ACTR10: variants seen among roughly 807,000 people sequenced by gnomAD.
ACTR10 encodes actin-related protein 10.
Under a neutral mutation model 56.2 loss-of-function variants are expected in ACTR10, and 43 were observed. The ratio of observed to expected loss-of-function variants is 0.77; its 90% CI spans 0.60 to 0.99. The LOEUF is 0.99. Ranked by LOEUF, ACTR10 falls within the 50% of genes least tolerant of loss-of-function variation. ACTR10 has a pLI of 0.00. For synonymous variants in ACTR10, 170 were observed against 176.3 expected, an observed-to-expected ratio of 0.96 and a Z score of 0.28; for missense variants, 466 against 507.8, an observed-to-expected ratio of 0.92 and a Z score of 0.79.
chr14:58,234,490 T>C lies in ACTR10; in HGVS notation c.1193T>C (p.Met398Thr). ...CTCAATAACCCACCTTTGGAAATGA[T>C]GTTTGATGTCGGGAAAACTCAACCA... Reference protein sequence around the residue: ...CSLNNPPLEMMFDVGKTQPPL... With the variant: ...CSLNNPPLEMTFDVGKTQPPL... Residue 398 changes from methionine to threonine, a missense_variant, in exon 13 of 13, where the codon ATG becomes ACG. Coordinates refer to ENST00000254286, the MANE Select transcript of ACTR10 (RefSeq NM_018477.3). The C allele has an allele frequency of 6.2e-7, 1 of 1,613,820 alleles. No individual in the cohort carries two copies. Among genetic ancestry groups the C allele is most frequent in the Non-Finnish European group, 8.5e-7 (1 of 1,179,828 alleles).
intron 7 of ACTR10, among the ~76,000 whole-genome samples, chr14:58,218,502 AATAAT>A (rs1889188550): frequency 6.6e-6 from 1 of 152,170 alleles, no homozygotes; most frequent in Non-Finnish European, 1.5e-5. Flanking sequence ...ATAAAGGTAA[AATAAT>A]AAATAATTCT....
chr14:58,217,045 G>A (rs779006994), intron 7 of ACTR10, among the ~76,000 whole-genome samples: 1 of 152,082 alleles, frequency 6.6e-6, no homozygotes, highest in Non-Finnish European at 1.5e-5. Context: ...TTTTCATTCT[G>A]TAGATCCAAT....
chr14:58,217,823 AAAG>A (rs1889170539), intron 7 of ACTR10, among the ~76,000 whole-genome samples: 1 of 152,230 alleles, frequency 6.6e-6, no homozygotes. Context: ...TTAGTTTAAA[AAAG>A]AATGAATATA....
Position 58,213,827 on chromosome 14 carries a change from A to G in ACTR10, c.518+129A>G, listed in dbSNP as rs752077216. 7.0e-5 allele frequency: 44 copies of G among 630,764 alleles called. 1 individual carries two copies. The highest frequency in any genetic ancestry group is 1.1e-4 in the Non-Finnish European group (41 of 383,462). 39.1% of individuals were successfully genotyped at this position (630,764 alleles called of 1,614,324 possible). A position where few individuals can be genotyped will look rare whatever the true frequency, so the allele number is the denominator to read the frequency against. ...GTGAATTTTATTCATTCCGCCCTCT[A>G]TTAGCTTCGAGTATATTCATTTTTT... On this transcript the variant is annotated intron_variant, in intron 6 of 12. Coordinates refer to ENST00000254286, the MANE Select transcript of ACTR10 (RefSeq NM_018477.3).
chr14:58,212,176 G>T (rs1889018379), intron 5 of ACTR10, among the ~76,000 whole-genome samples: 1 of 152,198 alleles, frequency 6.6e-6, no homozygotes, highest in South Asian at 2.1e-4. Flanking sequence ...CCATCTCATA[G>T]AAGAGTTGTG....
chr14:58,222,380 A>T (rs933468489), intron 8 of ACTR10, among the ~76,000 whole-genome samples: 1 of 152,218 alleles, frequency 6.6e-6, no homozygotes, highest in Non-Finnish European at 1.5e-5. Context: ...TAGTAGAAAG[A>T]AAGTGGTAGT....
At chr14:58,225,484 G>T (rs1317769411) in intron 10 of ACTR10, among the ~76,000 whole-genome samples, 1 of 152,130 alleles carries the variant, frequency 6.6e-6, no homozygotes, top group African/African-American at 2.4e-5. Flanking sequence ...AGTATTAAAA[G>T]AATGAACATA....
chr14:58,209,171 T>C, intron 4 of ACTR10, 64 bp downstream of exon 4: 4 of 1,177,128 alleles, frequency 3.4e-6, no homozygotes, highest in Non-Finnish European at 4.8e-6. Context: ...AATAAAATTC[T>C]TACCAATTTT....
At chr14:58,201,039 G>C (rs1888692988) in intron 1 of ACTR10, among the ~76,000 whole-genome samples, 1 of 152,194 alleles carries the variant, frequency 6.6e-6, no homozygotes, top group Non-Finnish European at 1.5e-5. Context: ...CCTTGTGATG[G>C]GCTCAACAGA....
intron 7 of ACTR10, among the ~76,000 whole-genome samples, chr14:58,218,556 TAATTA>T (rs1409928472): frequency 6.6e-6 from 1 of 152,050 alleles, no homozygotes; most frequent in Non-Finnish European, 1.5e-5. Flanking sequence ...TTTTGCAATA[TAATTA>T]AATATTAAAT....
intron 11 of ACTR10, among the ~76,000 whole-genome samples, chr14:58,230,735 C>T (rs913341526): frequency 5.3e-5 from 8 of 151,494 alleles, no homozygotes; most frequent in South Asian, 2.1e-4. Flanking sequence ...CATTCCAAAC[C>T]CCAGGATAAT....
intron 4 of ACTR10, among the ~76,000 whole-genome samples, chr14:58,209,450 T>A (rs956158162): frequency 3.3e-5 from 5 of 152,198 alleles, no homozygotes; most frequent in Admixed American, 6.5e-5. Flanking sequence ...GACTTTTTTT[T>A]ATTCAGAATT....
intron 1 of ACTR10, 97 bp downstream of exon 1, chr14:58,200,391 A>C: frequency 1.0e-6 from 1 of 1,001,420 alleles, no homozygotes; most frequent in Admixed American, 3.8e-5. Context: ...CTCGCTGGGC[A>C]GCTCCGGGCC....
intron 1 of ACTR10, 83 bp downstream of exon 1, chr14:58,200,377 C>T: frequency 8.3e-7 from 1 of 1,202,832 alleles, no homozygotes; most frequent in East Asian, 2.9e-5. Flanking sequence ...GTCCTCATCG[C>T]CGACTCGCTG....
At chr14:58,224,314 T>A (rs2140059275) in intron 10 of ACTR10, among the ~76,000 whole-genome samples, 1 of 152,230 alleles carries the variant, frequency 6.6e-6, no homozygotes, top group Non-Finnish European at 1.5e-5. Flanking sequence ...TTCAGCTTTT[T>A]AAATTTTTAA....
intron 4 of ACTR10, among the ~76,000 whole-genome samples, chr14:58,209,629 A>G (rs918839530): frequency 8.5e-5 from 13 of 152,264 alleles, no homozygotes; most frequent in African/African-American, 2.9e-4. Context: ...CAGGAATGAG[A>G]CTTACCTCAT....
chr14:58,223,564 TAC>T, intron 8 of ACTR10, 56 bp from the exon 9 acceptor site: 5 of 1,370,502 alleles, frequency 3.6e-6, no homozygotes, highest in Non-Finnish European at 5.1e-6. Flanking sequence ...GGGGTGTAGG[TAC>T]ACTCTGTTCA....
At chr14:58,231,100 C>G in intron 11 of ACTR10, 1 of 351,280 alleles carries the variant, frequency 2.8e-6, no homozygotes, top group South Asian at 2.0e-5. Flanking sequence ...GTTGCCCAGG[C>G]TGGAGTGCAA....
intron 7 of ACTR10, among the ~76,000 whole-genome samples, chr14:58,217,403 C>A (rs61975948): frequency 0.4 from 60,242 of 151,926 alleles, 12,597 homozygotes; most frequent in Non-Finnish European, 0.48. Flanking sequence ...CACGGTGGCT[C>A]ACGCCTGTAA....
Sources: allele counts gnomAD v4.1 joint callset (sites outside exome capture counted in the v4.1 genomes callset), GRCh38; gene constraint gnomAD v4.1.1; transcripts MANE v1.5; gene names NCBI Gene and HGNC (gene_info 2026-07-23, HGNC 2026-07-21).